Variants in TRAPPC6A observed in about 807,000 individuals in gnomAD.
TRAPPC6A encodes the protein trafficking protein particle complex subunit 6A.
Under a neutral mutation model 20.8 loss-of-function variants are expected in TRAPPC6A, and 25 were observed. The observed-to-expected ratio is 1.20, with a 90% CI of 0.88 to 1.68. The LOEUF (loss-of-function observed/expected upper bound fraction) is 1.68. Ranked by LOEUF, TRAPPC6A falls within the 40% of genes most tolerant of loss-of-function variation. The probability of loss-of-function intolerance (pLI) is 0.00; values close to 1 mark genes in which losing one functional copy is unlikely to be tolerated. For synonymous variants in TRAPPC6A, 96 were observed against 93.3 expected (o/e 1.03, Z -0.16); for missense variants, 215 against 211.6 (o/e 1.02, Z -0.10).
At position 45,164,177 on chromosome 19, in the gene TRAPPC6A, TCCAGATACTGCAGG is replaced by T. The variant is rs1341381309; in HGVS notation, c.327_340del (p.Leu110GlyfsTer23). ...CTCCCCCCATACCTTGGGTGCTTCC[TCCAGATACTGCAGG>T]CCAGAGGCCATCGGGAGGAGGAGGG... On this transcript the variant is annotated frameshift_variant, in exon 4 of 6. Transcript: ENST00000585934. LOFTEE classifies it high-confidence loss of function. 1.2e-6 allele frequency: 2 copies of T among 1,608,758 alleles called. No homozygotes were observed. Among genetic ancestry groups the T allele is most frequent in the South Asian group, 2.2e-5 (2 of 89,584 alleles).
At chr19:45,166,617 G>A (rs1425516627) in intron 1 of TRAPPC6A, among the ~76,000 whole-genome samples, 1 of 151,824 alleles carries the variant, frequency 6.6e-6, no homozygotes, top group Non-Finnish European at 1.5e-5. Flanking sequence ...TGGGGCGTGA[G>A]GCGCCAGGTT....
In TRAPPC6A at chr19:45,172,417, C is replaced by T. The variant is rs1969285447; in HGVS notation, c.84+5718G>A. 1.3e-5 allele frequency among the ~76,000 whole-genome samples: 2 copies of T among 151,690 alleles called. 1 individual carries two copies. Among genetic ancestry groups the T allele is most frequent in the African/African-American group, 4.9e-5 (2 of 40,964 alleles). Reference sequence around the variant, plus strand: ...GTGTCTGCCCTACCCCTCGATTGTTCTCTAGGCACCTGCTAGCTCCTGGGC... The same window carrying T: ...GTGTCTGCCCTACCCCTCGATTGTTTTCTAGGCACCTGCTAGCTCCTGGGC... On this transcript the variant is annotated intron_variant, in intron 1 of 5. Coordinates refer to ENST00000585934, the MANE Select transcript of TRAPPC6A (RefSeq NM_001270891.2). This position sits in a 1 kb window ranked among gnomAD's most constrained non-coding sequence, Gnocchi z 4.2.
chr19:45,162,981 C>T lies in TRAPPC6A; in HGVS notation c.*211G>A, dbSNP rs556654642. 5.5e-5 allele frequency: 25 copies of T among 450,804 alleles called. No homozygotes were observed. Among genetic ancestry groups the T allele is most frequent in the African/African-American group, 4.2e-4 (21 of 49,664 alleles). 27.9% of individuals were successfully genotyped at this position (450,804 alleles called of 1,614,324 possible). A position where few individuals can be genotyped will look rare whatever the true frequency, so the allele number is the denominator to read the frequency against. On this transcript the variant is annotated 3_prime_UTR_variant, in exon 6 of 6. Coordinates refer to ENST00000585934, the MANE Select transcript of TRAPPC6A (RefSeq NM_001270891.2). ...AGCAGCTACTGGGCAGTGACGCTGC[C>T]GAGGCGGGAATCCCACCACAGTCCT...
chr19:45,177,189 GCGCA>G (rs1183224984), intron 1 of TRAPPC6A, among the ~76,000 whole-genome samples: 38 of 97,492 alleles, frequency 3.9e-4, no homozygotes, highest in African/African-American at 1.3e-3. Context: ...ATGCGCGTGC[GCGCA>G]CACACACACA....
At position 45,163,030 on chromosome 19, in the gene TRAPPC6A, C is replaced by T; in HGVS notation, c.*162G>A. ...CTGACCGCAGCTGGGACCCCTTTGC[C>T]TCCTCTGACACCCCCACCTCAATTT... On this transcript the variant is annotated 3_prime_UTR_variant, in exon 6 of 6. Transcript: ENST00000585934. This position sits in a 1 kb window ranked among gnomAD's most constrained non-coding sequence, Gnocchi z 5.3. 2 of 766,880 alleles carry T rather than the reference C, an allele frequency of 2.6e-6. No individual in the cohort carries two copies. Among genetic ancestry groups the T allele is most frequent in the Admixed American group, 5.5e-5 (2 of 36,434 alleles). 47.5% of individuals were successfully genotyped at this position (766,880 alleles called of 1,614,324 possible).
chr19:45,167,811 C>T (rs1199100925), intron 1 of TRAPPC6A, among the ~76,000 whole-genome samples: 1 of 151,836 alleles, frequency 6.6e-6, no homozygotes, highest in Non-Finnish European at 1.5e-5. Flanking sequence ...CCAGCCTGGT[C>T]GACATGGCGA....
At position 45,164,856 on chromosome 19, in the gene TRAPPC6A, G is replaced by A. The variant is rs1969112373; in HGVS notation, c.267C>T (p.His89=). The A allele has an allele frequency of 1.2e-6, 2 of 1,613,834 alleles. No individual in the cohort carries two copies. Among genetic ancestry groups the A allele is most frequent in the Non-Finnish European group, 1.7e-6 (2 of 1,179,796 alleles). The change falls in exon 3 of 6, where the codon CAC becomes CAT. Residue 89 remains histidine (H), a synonymous_variant. Coordinates refer to ENST00000585934, the MANE Select transcript of TRAPPC6A (RefSeq NM_001270891.2). ...QKQMDSLRTN[H]QGTYVLQDNS... is the part of the protein sequence containing the mutation. ...GGGCAGGCCGGGGTGCTCCCACCTG[G>A]TGATTGGTGCGCAGGCTGTCCATCT...
intron 3 of TRAPPC6A, 148 bp downstream of exon 3, chr19:45,164,705 G>A (rs1969105785): frequency 9.4e-6 from 7 of 742,964 alleles, no homozygotes; most frequent in South Asian, 1.6e-5. Context: ...TCCCTTAGAG[G>A]ATCAGACAGA....
In TRAPPC6A at chr19:45,163,569, G is replaced by A. The variant is rs1047051615; in HGVS notation, c.449-346C>T. On this transcript the variant is annotated intron_variant, in intron 5 of 5. Coordinates refer to ENST00000585934, the MANE Select transcript of TRAPPC6A (RefSeq NM_001270891.2). The surrounding 1 kb of genome is among the most constrained non-coding windows in gnomAD (Gnocchi z 5.3). Reference sequence around the variant, plus strand: ...GGTGGGGCAGGCTGTCCCCAGGCAGGAATGGGGCTCCAGCTTGTCTGACAG... The same window carrying A: ...GGTGGGGCAGGCTGTCCCCAGGCAGAAATGGGGCTCCAGCTTGTCTGACAG... Among the ~76,000 whole-genome samples, 6 of 152,126 alleles carry A rather than the reference G, an allele frequency of 3.9e-5. No individual in the cohort carries two copies. Among genetic ancestry groups the A allele is most frequent in the African/African-American group, 1.4e-4 (6 of 41,426 alleles).
chr19:45,163,328 G>A lies in TRAPPC6A; in HGVS notation c.449-105C>T. On this transcript the variant is annotated intron_variant, in intron 5 of 5. Coordinates refer to ENST00000585934, the MANE Select transcript of TRAPPC6A (RefSeq NM_001270891.2). This position sits in a 1 kb window ranked among gnomAD's most constrained non-coding sequence, Gnocchi z 5.3. ...CCCCGTCCTGCACTGACACCCCAGT[G>A]GCTAGGTTGGGCTGTTTCCTCCCGC... 7.9e-7 allele frequency: 1 copy of A among 1,264,646 alleles called. No individual in the cohort carries two copies. Among genetic ancestry groups the A allele is most frequent in the Non-Finnish European group, 1.1e-6 (1 of 886,152 alleles). 78.3% of individuals were successfully genotyped at this position (1,264,646 alleles called of 1,614,324 possible).
At chr19:45,168,220 G>A (rs1969200215) in intron 1 of TRAPPC6A, among the ~76,000 whole-genome samples, 1 of 151,438 alleles carries the variant, frequency 6.6e-6, no homozygotes, top group Non-Finnish European at 1.5e-5. Context: ...AGCCAGGATG[G>A]TCTTGATCTC....
chr19:45,176,123 C>T (rs1241340189), intron 1 of TRAPPC6A, among the ~76,000 whole-genome samples: 1 of 151,926 alleles, frequency 6.6e-6, no homozygotes, highest in East Asian at 1.9e-4. Flanking sequence ...CTCCCGAGTT[C>T]TTGGTAGTAT....
At chr19:45,169,880 G>T (rs1177499823) in intron 1 of TRAPPC6A, among the ~76,000 whole-genome samples, 1 of 152,182 alleles carries the variant, frequency 6.6e-6, no homozygotes, top group Non-Finnish European at 1.5e-5. Flanking sequence ...GTCCCCACTC[G>T]CTAAGGGCTC....
rs1275931426 is a variant in TRAPPC6A, at chr19:45,163,154, CA to C, written c.*37del. On this transcript the variant is annotated 3_prime_UTR_variant, in exon 6 of 6. Coordinates refer to ENST00000585934, the MANE Select transcript of TRAPPC6A (RefSeq NM_001270891.2). This position sits in a 1 kb window ranked among gnomAD's most constrained non-coding sequence, Gnocchi z 5.3. Reference sequence around the variant, plus strand: ...CACCGTCTCCTGAGGCCGGTGAGGCCAGGGGCAGCAGTGCGGCTCAGCAGGT... The same window carrying C: ...CACCGTCTCCTGAGGCCGGTGAGGCCGGGGCAGCAGTGCGGCTCAGCAGGT... 1.9e-6 allele frequency: 3 copies of C among 1,613,438 alleles called. No individual in the cohort carries two copies. Among genetic ancestry groups the C allele is most frequent in the Non-Finnish European group, 2.5e-6 (3 of 1,179,600 alleles).
At chr19:45,166,288 C>A (rs1488566080) in intron 1 of TRAPPC6A, among the ~76,000 whole-genome samples, 2 of 151,556 alleles carry the variant, frequency 1.3e-5, no homozygotes. Context: ...CTCACTGCAA[C>A]CTCCGCCTCC....
rs1310272280 is a variant in TRAPPC6A at position 45,163,174 on chromosome 19, AGCAGGTGCGAG to A, written c.*7_*17del. 1 of 1,613,818 alleles carries A rather than the reference AGCAGGTGCGAG, an allele frequency of 6.2e-7. No homozygotes were observed. Among genetic ancestry groups the A allele is most frequent in the African/African-American group, 1.3e-5 (1 of 75,040 alleles). ...GAGGCCAGGGGCAGCAGTGCGGCTCAGCAGGTGCGAGGCAGGCTTAGGATTTCGGAATCACC... is the reference window on the plus strand; with the variant it reads ...GAGGCCAGGGGCAGCAGTGCGGCTCAGCAGGCTTAGGATTTCGGAATCACC... On this transcript the variant is annotated 3_prime_UTR_variant, in exon 6 of 6. Transcript: ENST00000585934. The surrounding 1 kb of genome is among the most constrained non-coding windows in gnomAD (Gnocchi z 5.3).
rs1016129224 is a variant in TRAPPC6A at position 45,172,956 on chromosome 19, T to C, written c.84+5179A>G. Among the ~76,000 whole-genome samples the C allele has an allele frequency of 1.3e-5, 2 of 151,624 alleles. No individual in the cohort carries two copies. Among genetic ancestry groups the C allele is most frequent in the Non-Finnish European group, 2.9e-5 (2 of 68,020 alleles). ...CCAGCCACAGATGCTCAGGACGGTG[T>C]TCCGGGCAGGGACCTATCTGACAGC... On this transcript the variant is annotated intron_variant, in intron 1 of 5. Transcript: ENST00000585934. This position sits in a 1 kb window ranked among gnomAD's most constrained non-coding sequence, Gnocchi z 4.2.
rs756830321 is a variant in TRAPPC6A, at chr19:45,178,196, T to C, written c.23A>G (p.Glu8Gly). 5.0e-6 allele frequency: 8 copies of C among 1,610,700 alleles called. No individual in the cohort carries two copies. Among genetic ancestry groups the C allele is most frequent in the Non-Finnish European group, 5.1e-6 (6 of 1,177,580 alleles). MADTVLF[E>G]FLHTEMVAEL... The stretch of plus-strand genomic sequence containing the variant: ...AGCCACCATCTCCGTGTGAAGAAAC[T>C]CAAACAACACAGTATCCGCCATGCC... Residue 8 changes from glutamate (E) to glycine (G), a missense_variant, in exon 1 of 6, where the codon GAG (glutamate) becomes GGG (glycine). Transcript: ENST00000585934.
At chr19:45,175,247 C>G (rs542184736) in intron 1 of TRAPPC6A, among the ~76,000 whole-genome samples, 2 of 138,154 alleles carry the variant, frequency 1.4e-5, no homozygotes, top group South Asian at 4.7e-4. Context: ...GGGGACAGAC[C>G]GAGACTCTGT....
Sources: gnomAD v4.1 joint callset for allele counts (sites outside exome capture counted in the v4.1 genomes callset) on GRCh38, gnomAD v4.1.1 for gene constraint, Gnocchi (gnomAD v3.1) non-coding constraint, MANE v1.5 for transcripts, NCBI Gene and HGNC (gene_info 2026-07-23, HGNC 2026-07-21) for gene names.